GTPBP6: variants seen among roughly 807,000 people sequenced by gnomAD.
The protein encoded by GTPBP6 is putative GTP-binding protein 6.
Under a neutral mutation model 28.9 loss-of-function variants are expected in GTPBP6, and 33 were observed. That is an observed-to-expected ratio of 1.14 (90% confidence interval 0.87 to 1.53). The LOEUF (loss-of-function observed/expected upper bound fraction) is 1.53. Ranked by LOEUF, GTPBP6 falls within the 40% of genes most tolerant of loss-of-function variation. The pLI is 0.00. For missense variants in GTPBP6, 507 were observed against 408.3 expected (o/e 1.24, Z -2.08); for synonymous variants, 231 against 192.7 (o/e 1.20, Z -1.65).
intron 7 of GTPBP6, among the ~76,000 whole-genome samples, chrX:308,172 C>G (rs1418837204): frequency 6.6e-6 from 1 of 152,164 alleles, no homozygotes; most frequent in African/African-American, 2.4e-5. Context: ...CACCACCCAC[C>G]CACCCAGGGG....
chrX:318,318 CTA>C, intron 1 of GTPBP6, 119 bp downstream of exon 1: 1 of 396,974 alleles, frequency 2.5e-6, no homozygotes, highest in Non-Finnish European at 4.4e-6. Context: ...GAATCTCCAC[CTA>C]TGAGATCGTC....
intron 7 of GTPBP6, among the ~76,000 whole-genome samples, chrX:308,961 G>A (rs1325951370): frequency 6.6e-6 from 1 of 151,978 alleles, no homozygotes; most frequent in Non-Finnish European, 1.5e-5. Flanking sequence ...CTGACCTGAA[G>A]TGATCCACCC....
chrX:305,609 C>G (rs2070143988), intron 9 of GTPBP6, among the ~76,000 whole-genome samples: 1 of 145,024 alleles, frequency 6.9e-6, no homozygotes, highest in Non-Finnish European at 1.5e-5. Flanking sequence ...GCATGAGCCA[C>G]TGCGCCCGGC....
intron 5 of GTPBP6, 79 bp from the exon 6 acceptor site, chrX:313,003 CGG>C: frequency 7.8e-7 from 1 of 1,288,804 alleles, no homozygotes; most frequent in Non-Finnish European, 1.1e-6. Flanking sequence ...GGAGGGTCTG[CGG>C]GGGCCCGGGG....
At chrX:318,310 A>C (rs1420151702) in intron 1 of GTPBP6, 129 bp downstream of exon 1, 7 of 372,876 alleles carry the variant, frequency 1.9e-5, no homozygotes, top group Non-Finnish European at 2.8e-5. Flanking sequence ...CCGCCCCTGA[A>C]TCTCCACCTA....
At position 317,564 on chromosome X, in the gene GTPBP6, G is replaced by GGGGGT. The variant is rs1556036861; in HGVS notation, c.350-518_350-514dup. ...CATTTGCATTTCCTCCTGGGGGGTG[G>GGGGGT]GGGGTGGGACTAGACACAGATTGGT... is the stretch of plus-strand genomic sequence containing the variant. On this transcript the variant is annotated intron_variant, in intron 1 of 9. Coordinates refer to ENST00000326153, the Ensembl canonical transcript of GTPBP6. 8.4e-3 allele frequency among the ~76,000 whole-genome samples: 792 copies of GGGGGT among 94,614 alleles called. 15 individuals are homozygous for GGGGGT. The highest frequency in any genetic ancestry group is 0.048 in the African/African-American group (751 of 15,496). The allele number at this position is 94,614 out of a possible 152,430, so 62.1% of individuals were successfully genotyped here.
chrX:312,679 C>G (rs766582913), intron 6 of GTPBP6, 87 bp downstream of exon 6: 5 of 1,360,470 alleles, frequency 3.7e-6, no homozygotes, highest in South Asian at 1.3e-5. Context: ...ACCACTGAGA[C>G]GACAGGGACC....
intron 2 of GTPBP6, among the ~76,000 whole-genome samples, chrX:316,179 C>G (rs2070435627): frequency 1.1e-5 from 1 of 92,708 alleles, no homozygotes; most frequent in African/African-American, 4.4e-5. Context: ...CAGACACACA[C>G]ACAGACACAT....
intron 7 of GTPBP6, among the ~76,000 whole-genome samples, chrX:310,876 G>A (rs1374569069): frequency 6.6e-5 from 10 of 152,046 alleles, no homozygotes; most frequent in East Asian, 1.9e-4. Context: ...GGTGTTCATC[G>A]ATCCTCAGGC....
chrX:315,689 C>CGCAG (rs1411475937), intron 2 of GTPBP6, among the ~76,000 whole-genome samples: 3 of 9,972 alleles, frequency 3.0e-4, no homozygotes, highest in African/African-American at 1.0e-3. Context: ...AACACATACA[C>CGCAG]ACACACACAC....
Position 305,183 on chromosome X carries a change from T to G in GTPBP6, c.1442A>C (p.Glu481Ala). 3.1e-6 allele frequency: 5 copies of G among 1,613,482 alleles called. No individual in the cohort carries two copies. The South Asian group carries it at 4.4e-5, about 14-fold the overall frequency. Residue 481 changes from glutamate to alanine, a missense_variant, in exon 10 of 10, where the codon GAG becomes GCG. Transcript: ENST00000326153. ...CACGTCCACCTCCTGAACTGTGGCC[T>G]CCTTATACAGCCAGCTGGGCACAGA...
At chrX:313,219 C>T (rs1044678786) in intron 5 of GTPBP6, among the ~76,000 whole-genome samples, 4 of 152,252 alleles carry the variant, frequency 2.6e-5, no homozygotes, top group Admixed American at 6.5e-5. Context: ...CGGGACACGG[C>T]CCAGGACGTC....
At chrX:315,422 C>T in intron 2 of GTPBP6, 123 bp from the exon 3 acceptor site, 1 of 398,510 alleles carries the variant, frequency 2.5e-6, no homozygotes, top group Non-Finnish European at 4.4e-6. Flanking sequence ...TCCCCGACTT[C>T]CTGAGCACGA....
exon 8 of GTPBP6, chrX:307,751 T>G: frequency 6.6e-7 from 1 of 1,504,434 alleles, no homozygotes; most frequent in Non-Finnish European, 8.9e-7. Flanking sequence ...AGGTCCACCT[T>G]GTTGTGAACC....
chrX:313,196 G>A lies in GTPBP6; in HGVS notation c.758-272C>T, dbSNP rs139345006. Among the ~76,000 whole-genome samples, 125 of 152,354 alleles carry A rather than the reference G, an allele frequency of 8.2e-4. No individual in the cohort carries two copies. In the East Asian group the frequency reaches 0.019, roughly 24 times the overall value. On this transcript the variant is annotated intron_variant, in intron 5 of 9. Coordinates refer to ENST00000326153, the Ensembl canonical transcript of GTPBP6. ...GAGAAAGTAAAGGCCAGATCACTAC[G>A]GAGGCCTCCGAGCGGGACACGGCCC...
chrX:307,930 C>G, intron 7 of GTPBP6, 50 bp from the exon 8 acceptor site: 1 of 1,428,048 alleles, frequency 7.0e-7, no homozygotes, highest in Non-Finnish European at 9.2e-7. Flanking sequence ...GGTCCCTGAC[C>G]CCAAGCTTGC....
intron 1 of GTPBP6, 120 bp downstream of exon 1, chrX:318,319 T>C (rs1186364340): frequency 5.2e-6 from 2 of 381,950 alleles, no homozygotes; most frequent in Non-Finnish European, 9.1e-6. Context: ...AATCTCCACC[T>C]ATGAGATCGT....
chrX:318,650 A>T (rs1349112865), exon 1 of GTPBP6: 1 of 397,080 alleles, frequency 2.5e-6, no homozygotes, highest in Non-Finnish European at 4.4e-6. Context: ...GCCCCTCCAG[A>T]TTCCCGGGGC....
exon 1 of GTPBP6, chrX:318,593 G>C (rs1278161878): frequency 2.5e-6 from 1 of 397,742 alleles, no homozygotes; most frequent in African/African-American, 2.1e-5. Flanking sequence ...CGTCTCCCGT[G>C]CGGCTTCGGC....
Sources: allele counts gnomAD v4.1 joint callset (sites outside exome capture counted in the v4.1 genomes callset), GRCh38; gene constraint gnomAD v4.1.1; transcripts MANE v1.5; gene names NCBI Gene and HGNC (gene_info 2026-07-23, HGNC 2026-07-21).